The following THAP4 variants were observed in gnomAD, a reference collection of about 807,000 sequenced individuals.
THAP4 encodes the protein peroxynitrite isomerase THAP4.
In THAP4, 18 loss-of-function variants were observed where a neutral mutation model predicts 48.1. The observed-to-expected ratio is 0.37, with a 90% CI of 0.26 to 0.56. THAP4 has a LOEUF of 0.56. THAP4 is among the 20% of genes least tolerant of loss of function. The pLI is 0.78. For synonymous variants in THAP4, 345 were observed against 324.9 expected (o/e 1.06, Z -0.66); for missense variants, 656 against 774.9 (o/e 0.85, Z 1.82).
chr2:241,599,784 G>A (rs967873806), intron 5 of THAP4, among the ~76,000 whole-genome samples: 8 of 152,166 alleles, frequency 5.3e-5, no homozygotes, highest in African/African-American at 1.9e-4. Flanking sequence ...TCTAGAAGAG[G>A]AAATGCTTAA....
At chr2:241,586,867 CT>C (rs1266486524) in intron 5 of THAP4, among the ~76,000 whole-genome samples, 1 of 152,162 alleles carries the variant, frequency 6.6e-6, no homozygotes, top group African/African-American at 2.4e-5. Flanking sequence ...TTGCAAAAGA[CT>C]GAACACATGT....
At position 241,610,603 on chromosome 2, in the gene THAP4, A is replaced by G. The variant is rs1283685676; in HGVS notation, c.1241-4130T>C. On this transcript the variant is annotated intron_variant, in intron 2 of 5. Coordinates refer to ENST00000407315, the MANE Select transcript of THAP4 (RefSeq NM_015963.6). This position sits in a 1 kb window ranked among gnomAD's most constrained non-coding sequence, Gnocchi z 4.2. ...CCGCCCTCCCCACTCCTGCTTCCCC[A>G]GCCACGGGGTCTTCTCCCGGCCCCT... 6.8e-6 allele frequency among the ~76,000 whole-genome samples: 1 copy of G among 147,014 alleles called. No homozygotes were observed. The highest frequency in any genetic ancestry group is 1.5e-5 in the Non-Finnish European group (1 of 66,568).
intron 5 of THAP4, among the ~76,000 whole-genome samples, chr2:241,597,086 T>TG (rs2067059240): frequency 6.6e-6 from 1 of 152,244 alleles, no homozygotes; most frequent in Non-Finnish European, 1.5e-5. Flanking sequence ...TACAATCTTA[T>TG]GGCCTGACCA....
intron 2 of THAP4, among the ~76,000 whole-genome samples, chr2:241,629,568 G>A (rs776258262): frequency 6.6e-5 from 10 of 151,626 alleles, no homozygotes; most frequent in Non-Finnish European, 1.2e-4. Context: ...AGGTAGGCCC[G>A]AATTCCCACT....
chr2:241,634,228 G>A lies in THAP4; in HGVS notation c.78-149C>T, dbSNP rs143582971. The A allele has an allele frequency of 7.9e-3, 4,727 of 601,470 alleles. 32 individuals carry two copies. The highest frequency in any genetic ancestry group is 0.011 in the Non-Finnish European group (3,975 of 358,002). 37.3% of individuals were successfully genotyped at this position (601,470 alleles called of 1,614,324 possible). On this transcript the variant is annotated intron_variant, in intron 1 of 5. Transcript: ENST00000407315. ...AAAAAATACTTCAAAAAGATTTAAA[G>A]AACATCTTCTACCTGCAGTTATTAC... is the stretch of plus-strand genomic sequence containing the variant.
rs1414497196 is a variant in THAP4 at position 241,636,770 on chromosome 2, G to A, written c.77+171C>T. ...GCGGCTGCGCTGCCCGAGGCGCCCG[G>A]CCCAGAGACGGCGGCCGGGCCAAGG... On this transcript the variant is annotated intron_variant, in intron 1 of 5. Coordinates refer to ENST00000407315, the MANE Select transcript of THAP4 (RefSeq NM_015963.6). Among the ~76,000 whole-genome samples the A allele has an allele frequency of 2.7e-5, 4 of 150,098 alleles. No homozygotes were observed. In the Middle Eastern group the frequency reaches 0.01, roughly 386 times the overall value.
At chr2:241,630,065 T>C (rs995504520) in intron 2 of THAP4, among the ~76,000 whole-genome samples, 7 of 152,158 alleles carry the variant, frequency 4.6e-5, no homozygotes, top group Non-Finnish European at 7.4e-5. Context: ...ACTCCTTCAG[T>C]CCTTACCATT....
At chr2:241,592,186 C>T (rs1323287988) in intron 5 of THAP4, 3 of 152,324 alleles carry the variant, frequency 2.0e-5, no homozygotes, top group Non-Finnish European at 4.4e-5. Context: ...GAGGCTCTGC[C>T]AGGCTGGGGG....
At chr2:241,598,496 G>C (rs1416180456) in intron 5 of THAP4, among the ~76,000 whole-genome samples, 1 of 152,174 alleles carries the variant, frequency 6.6e-6, no homozygotes, top group African/African-American at 2.4e-5. Context: ...TTTGGCCCCA[G>C]GAACTGGTTT....
chr2:241,635,416 A>T (rs558142540), intron 1 of THAP4, among the ~76,000 whole-genome samples: 3 of 152,380 alleles, frequency 2.0e-5, no homozygotes, highest in East Asian at 3.8e-4. Flanking sequence ...CCTAATAAAG[A>T]TCCTTCATAA....
Position 241,601,874 on chromosome 2 carries a change from C to T in THAP4, c.1614+22G>A, listed in dbSNP as rs565939884. ...GCTGCAAACAGAAGACAGGAGCGTG[C>T]TGGGAGCAGGGCTGGGCTCACCTGC... On this transcript the variant is annotated intron_variant, in intron 5 of 5. Coordinates refer to ENST00000407315, the MANE Select transcript of THAP4 (RefSeq NM_015963.6). This position sits in a 1 kb window ranked among gnomAD's most constrained non-coding sequence, Gnocchi z 4.0. The T allele has an allele frequency of 3.7e-6, 6 of 1,613,492 alleles. No individual in the cohort carries two copies. The highest frequency in any genetic ancestry group is 1.7e-4 in the Middle Eastern group (1 of 6,056).
chr2:241,589,212 C>CAAAAAA (rs765239066), intron 5 of THAP4, among the ~76,000 whole-genome samples: 8 of 110,796 alleles, frequency 7.2e-5, no homozygotes, highest in South Asian at 3.0e-4. Flanking sequence ...AACAATGTCT[C>CAAAAAA]AAAAAAAAAA....
At chr2:241,630,109 CA>C (rs902431758) in intron 2 of THAP4, among the ~76,000 whole-genome samples, 1 of 151,554 alleles carries the variant, frequency 6.6e-6, no homozygotes, top group Non-Finnish European at 1.5e-5. Context: ...AAAGTAACTA[CA>C]AAAAAATTTG....
intron 2 of THAP4, among the ~76,000 whole-genome samples, chr2:241,627,387 G>A (rs1299197521): frequency 6.6e-6 from 1 of 152,230 alleles, no homozygotes; most frequent in Non-Finnish European, 1.5e-5. Context: ...ACTGTATCAA[G>A]AACGTTTATA....
At chr2:241,596,687 TC>T (rs1045422535) in intron 5 of THAP4, among the ~76,000 whole-genome samples, 22 of 151,548 alleles carry the variant, frequency 1.5e-4, no homozygotes, top group African/African-American at 5.3e-4. Flanking sequence ...GCACCTGTAG[TC>T]CCAGCTACTC....
chr2:241,634,111 A>ATTTC, intron 1 of THAP4, 32 bp from the exon 2 acceptor site: 1 of 1,449,670 alleles, frequency 6.9e-7, no homozygotes, highest in Non-Finnish European at 9.3e-7. Context: ...GTAATTAGAA[A>ATTTC]TAATTAAATG....
chr2:241,637,483 C>T (rs931931576), upstream of THAP4: 16 of 1,451,588 alleles, frequency 1.1e-5, 1 homozygote, highest in South Asian at 8.1e-5. Context: ...ACAGCAGAAC[C>T]AGCCGTCGTC....
intron 5 of THAP4, among the ~76,000 whole-genome samples, chr2:241,585,763 C>T (rs879564039): frequency 5.3e-5 from 8 of 151,422 alleles, no homozygotes; most frequent in Non-Finnish European, 8.8e-5. Flanking sequence ...GGAGGAGAGG[C>T]GCAGCCGGGC....
rs1028458943 is a variant in THAP4, at chr2:241,617,397, T to C, written c.1241-10924A>G. ...ATTTTCATGTTTTGGCCCAAGACAC[T>C]GAAAGCAGGCTTACCCATCCCTAAG... On this transcript the variant is annotated intron_variant, in intron 2 of 5. Transcript: ENST00000407315. 5 of 1,539,142 alleles carry C rather than the reference T, an allele frequency of 3.2e-6. No homozygotes were observed. The Admixed American group carries it at 9.8e-5, about 30-fold the overall frequency.
Sources: allele counts gnomAD v4.1 joint callset (sites outside exome capture counted in the v4.1 genomes callset), GRCh38; gene constraint gnomAD v4.1.1; non-coding constraint Gnocchi (gnomAD v3.1); transcripts MANE v1.5; gene names NCBI Gene and HGNC (gene_info 2026-07-23, HGNC 2026-07-21).